LRP1B: variants seen among roughly 807,000 people sequenced by gnomAD.
LRP1B encodes low-density lipoprotein receptor-related protein 1B.
In LRP1B, 217 loss-of-function variants were observed where a neutral mutation model predicts 556.6. That is an observed-to-expected ratio of 0.39 (90% CI 0.35 to 0.44). The LOEUF (loss-of-function observed/expected upper bound fraction) is 0.44, where lower values mean the gene tolerates loss of function less well. LRP1B is among the 20% of genes least tolerant of loss of function. The probability of loss-of-function intolerance (pLI) is 1.00; values close to 1 mark genes in which losing one functional copy is unlikely to be tolerated. For missense variants in LRP1B, 5,053 were observed against 5,620.8 expected, an observed-to-expected ratio of 0.90 and a Z score of 3.23; for synonymous variants, 2,047 against 1,865.8, an observed-to-expected ratio of 1.10 and a Z score of -2.50.
chr2:140,853,705 A>T (rs1471255653), intron 27 of LRP1B, among the ~76,000 whole-genome samples: 2 of 136,086 alleles, frequency 1.5e-5, no homozygotes, highest in African/African-American at 5.3e-5. Context: ...AATAAAGGAG[A>T]ATAAGAGACT....
intron 6 of LRP1B, among the ~76,000 whole-genome samples, chr2:141,216,574 T>C (rs867182424): frequency 6.6e-6 from 1 of 152,082 alleles, no homozygotes; most frequent in South Asian, 2.1e-4. Flanking sequence ...GCTTTCACAC[T>C]ATGACTGGAA....
In LRP1B at chr2:140,348,639, A is replaced by G. The variant is rs181616551; in HGVS notation, c.11892+2158T>C. ...AAGTTATTACTATCATTAAAAGTAAAGTTTTATATCCTATTCAAATAAGTC... is the reference window on the plus strand; with the variant it reads ...AAGTTATTACTATCATTAAAAGTAAGGTTTTATATCCTATTCAAATAAGTC... On this transcript the variant is annotated intron_variant, in intron 77 of 90. Transcript: ENST00000389484. Among the ~76,000 whole-genome samples the G allele has an allele frequency of 5.9e-5, 9 of 152,268 alleles. No individual in the cohort carries two copies. The East Asian group carries it at 1.5e-3, about 26-fold the overall frequency.
chr2:140,995,967 G>T (rs969911138), intron 15 of LRP1B, among the ~76,000 whole-genome samples: 6 of 151,948 alleles, frequency 3.9e-5, no homozygotes, highest in Admixed American at 2.6e-4. Context: ...GACTGTAAAA[G>T]GGTAGAGGGG....
chr2:140,852,684 C>G (rs1398611877), intron 27 of LRP1B, among the ~76,000 whole-genome samples: 1 of 152,146 alleles, frequency 6.6e-6, no homozygotes, highest in Non-Finnish European at 1.5e-5. Context: ...CTAAGGATTG[C>G]TCCACATGTA....
At position 140,893,024 on chromosome 2, in the gene LRP1B, T is replaced by C. The variant is rs553298869; in HGVS notation, c.3767-6689A>G. Among the ~76,000 whole-genome samples the C allele has an allele frequency of 7.9e-5, 12 of 152,110 alleles. No individual in the cohort carries two copies. The South Asian group carries it at 2.5e-3, about 32-fold the overall frequency. ...AGAGGAAAGGAAGAGGGGTAGGCTT[T>C]CGAAATAAAAGTAAAGAAAGAAAGA... On this transcript the variant is annotated intron_variant, in intron 23 of 90. Transcript: ENST00000389484.
At chr2:141,540,281 T>A (rs1262825386) in intron 2 of LRP1B, among the ~76,000 whole-genome samples, 1 of 148,518 alleles carries the variant, frequency 6.7e-6, no homozygotes, top group Non-Finnish European at 1.5e-5. Context: ...AGTATGCAAG[T>A]CATTTTTGTT....
chr2:141,399,518 A>G (rs1277531412), intron 3 of LRP1B, among the ~76,000 whole-genome samples: 1 of 152,158 alleles, frequency 6.6e-6, no homozygotes, highest in African/African-American at 2.4e-5. Flanking sequence ...TCTTTAAACT[A>G]AAGTTTTCTT....
intron 67 of LRP1B, among the ~76,000 whole-genome samples, chr2:140,379,248 A>T (rs1683367862): frequency 6.6e-6 from 1 of 152,208 alleles, no homozygotes; most frequent in South Asian, 2.1e-4. Context: ...ACAGACATTA[A>T]GGAATATCCA....
rs368593278 is a variant in LRP1B at position 140,295,034 on chromosome 2, G to A, written c.12967+2774C>T. Among the ~76,000 whole-genome samples the A allele has an allele frequency of 7.9e-5, 12 of 152,002 alleles. No individual in the cohort carries two copies. In the South Asian group the frequency reaches 1.9e-3, roughly 24 times the overall value. ...TGGGACTACAGGTGCCCGCCACTGC[G>A]CCCGGCTAGTTTTTTGTATTTTTAG... On this transcript the variant is annotated intron_variant, in intron 84 of 90. Coordinates refer to ENST00000389484, the MANE Select transcript of LRP1B (RefSeq NM_018557.3).
chr2:140,546,000 T>TGTGTGTG (rs1680321567), intron 43 of LRP1B, among the ~76,000 whole-genome samples: 7 of 142,602 alleles, frequency 4.9e-5, no homozygotes, highest in African/African-American at 1.8e-4. Context: ...TATTATTAGG[T>TGTGTGTG]TGTGTGTGTG....
At chr2:140,626,093 T>C (rs889917843) in intron 41 of LRP1B, among the ~76,000 whole-genome samples, 2 of 152,172 alleles carry the variant, frequency 1.3e-5, no homozygotes, top group South Asian at 2.1e-4. Flanking sequence ...AAAACTTAAA[T>C]GCATATTACT....
At chr2:141,047,088 A>C (rs1019815825) in intron 11 of LRP1B, among the ~76,000 whole-genome samples, 1 of 145,666 alleles carries the variant, frequency 6.9e-6, no homozygotes, top group African/African-American at 2.5e-5. Flanking sequence ...ATAATAATAA[A>C]TGCAAGTGTC....
intron 2 of LRP1B, among the ~76,000 whole-genome samples, chr2:141,696,518 A>G (rs577055194): frequency 6.6e-6 from 1 of 152,084 alleles, no homozygotes; most frequent in Non-Finnish European, 1.5e-5. Flanking sequence ...ACCGTTCTGG[A>G]CAATTTAAAT....
rs370053175 is a variant in LRP1B, at chr2:141,544,983, G to A, written c.206-64450C>T. Among the ~76,000 whole-genome samples the A allele has an allele frequency of 3.9e-4, 60 of 152,144 alleles. No individual in the cohort carries two copies. The South Asian group carries it at 9.7e-3, about 25-fold the overall frequency. On this transcript the variant is annotated intron_variant, in intron 2 of 90. Transcript: ENST00000389484. Reference sequence around the variant, plus strand: ...ACAGAGCCAAACCATATCATTCCCCGTTAAGTGTTTAAATTTATTATCTCC... The same window carrying A: ...ACAGAGCCAAACCATATCATTCCCCATTAAGTGTTTAAATTTATTATCTCC...
chr2:140,816,136 T>A (rs948359930), intron 31 of LRP1B, among the ~76,000 whole-genome samples: 1 of 152,084 alleles, frequency 6.6e-6, no homozygotes. Flanking sequence ...TTTCTTTTTT[T>A]CAGACAGAGT....
intron 35 of LRP1B, among the ~76,000 whole-genome samples, chr2:140,765,649 A>G (rs1238963834): frequency 6.6e-6 from 1 of 151,996 alleles, no homozygotes; most frequent in Non-Finnish European, 1.5e-5. Context: ...TCTTCTGTGG[A>G]GAGTATCCAG....
chr2:141,443,704 G>GTT (rs201300212), intron 3 of LRP1B, among the ~76,000 whole-genome samples: 1 of 152,138 alleles, frequency 6.6e-6, no homozygotes, highest in African/African-American at 2.4e-5. Flanking sequence ...CCCATTGCTT[G>GTT]TTTTTGTCAG....
At chr2:140,893,073 A>T (rs908961649) in intron 23 of LRP1B, among the ~76,000 whole-genome samples, 1 of 152,136 alleles carries the variant, frequency 6.6e-6, no homozygotes, top group Non-Finnish European at 1.5e-5. Flanking sequence ...GGGCATGAGG[A>T]AAATAAAAAG....
chr2:140,902,285 A>G (rs887472269), intron 23 of LRP1B, among the ~76,000 whole-genome samples: 18 of 152,086 alleles, frequency 1.2e-4, no homozygotes, highest in African/African-American at 4.1e-4. Context: ...GCACAGTAAC[A>G]AGTCTTTCAC....
Sources: allele counts gnomAD v4.1 joint callset (sites outside exome capture counted in the v4.1 genomes callset), GRCh38; gene constraint gnomAD v4.1.1; transcripts MANE v1.5; gene names NCBI Gene and HGNC (gene_info 2026-07-23, HGNC 2026-07-21).